The following CADM2 variants were observed in gnomAD, a reference collection of about 807,000 sequenced individuals.
CADM2 encodes the protein cell adhesion molecule 2, also known as immunoglobulin superfamily member 4D.
Under a neutral mutation model 49.8 loss-of-function variants are expected in CADM2, and 12 were observed. That is an observed-to-expected ratio of 0.24 (90% CI 0.15 to 0.39). The LOEUF is 0.39. CADM2 is among the 10% of genes least tolerant of loss of function. The probability of loss-of-function intolerance (pLI) is 1.00; values close to 1 mark genes in which losing one functional copy is unlikely to be tolerated. For synonymous variants in CADM2, 214 were observed against 175.4 expected, an observed-to-expected ratio of 1.22 and a Z score of -1.74; for missense variants, 378 against 492.3, an observed-to-expected ratio of 0.77 and a Z score of 2.20.
At chr3:84,981,024 T>G in intron 1 of CADM2, among the ~76,000 whole-genome samples, 1 of 151,968 alleles carries the variant, frequency 6.6e-6, no homozygotes, top group African/African-American at 2.4e-5. Context: ...ATGTGCACAT[T>G]GTGCAGGTTA....
chr3:85,173,318 A>C (rs1426026590), intron 1 of CADM2, among the ~76,000 whole-genome samples: 1 of 152,188 alleles, frequency 6.6e-6, no homozygotes, highest in African/African-American at 2.4e-5. Flanking sequence ...AATCAGTTTT[A>C]AACTCTTCAA....
chr3:85,091,319 G>A (rs901091832), intron 1 of CADM2, among the ~76,000 whole-genome samples: 2 of 152,090 alleles, frequency 1.3e-5, no homozygotes, highest in African/African-American at 4.8e-5. Context: ...TGCGTAATCT[G>A]TAAAGAAACC....
At chr3:85,684,228 T>G (rs1257081891) in intron 1 of CADM2, among the ~76,000 whole-genome samples, 1 of 152,228 alleles carries the variant, frequency 6.6e-6, no homozygotes, top group Non-Finnish European at 1.5e-5. Context: ...ATGAAAGGAT[T>G]AATTCAAATT....
chr3:85,536,363 A>G (rs976717356), intron 1 of CADM2, among the ~76,000 whole-genome samples: 9 of 151,752 alleles, frequency 5.9e-5, no homozygotes, highest in Admixed American at 1.3e-4. Flanking sequence ...TGGCTTGATC[A>G]TATCTGAGGA....
rs190765334 is a variant in CADM2 at position 85,012,086 on chromosome 3, T to C, written c.61+52418T>C. ...GGCGAAGGGCCTGGTTTTTTTTTTT[T>C]CTTTCATATTTTAAAGGGAGAAATA... On this transcript the variant is annotated intron_variant, in intron 1 of 9. Transcript: ENST00000383699. Among the ~76,000 whole-genome samples the C allele has an allele frequency of 6.1e-3, 921 of 151,876 alleles. 15 individuals are homozygous for C. The highest frequency in any genetic ancestry group is 0.021 in the African/African-American group (881 of 41,492).
chr3:86,010,092 C>A (rs542261402), intron 8 of CADM2, among the ~76,000 whole-genome samples: 2 of 151,458 alleles, frequency 1.3e-5, no homozygotes, highest in African/African-American at 4.8e-5. Flanking sequence ...ATAGCAATGA[C>A]GAAATAATAT....
At chr3:86,003,843 G>A (rs1730464731) in intron 8 of CADM2, among the ~76,000 whole-genome samples, 1 of 152,138 alleles carries the variant, frequency 6.6e-6, no homozygotes, top group Non-Finnish European at 1.5e-5. Context: ...AGAAGGGGGT[G>A]GCCCAAAGCA....
At chr3:85,814,865 T>C (rs933911884) in intron 3 of CADM2, among the ~76,000 whole-genome samples, 6 of 151,958 alleles carry the variant, frequency 3.9e-5, no homozygotes, top group African/African-American at 9.7e-5. Context: ...TTCTATTCTA[T>C]AGTATTCTAT....
At chr3:85,171,126 G>A (rs768666184) in intron 1 of CADM2, among the ~76,000 whole-genome samples, 3 of 152,226 alleles carry the variant, frequency 2.0e-5, no homozygotes, top group Non-Finnish European at 4.4e-5. Context: ...TTTTTCTAAA[G>A]TCAATAACCT....
chr3:85,173,998 C>CACACACACATACCACACACAT (rs1368425909), intron 1 of CADM2, among the ~76,000 whole-genome samples: 5 of 152,084 alleles, frequency 3.3e-5, no homozygotes, highest in Non-Finnish European at 7.4e-5. Context: ...ATTCTAACCT[C>CACACACACATACCACACACAT]ACACACACAT....
chr3:85,348,043 C>T (rs1456085009), intron 1 of CADM2, among the ~76,000 whole-genome samples: 1 of 152,034 alleles, frequency 6.6e-6, no homozygotes, highest in Non-Finnish European at 1.5e-5. Context: ...TCCTGAACCT[C>T]AATTGATCTG....
At chr3:85,893,902 C>G (rs1477820962) in intron 5 of CADM2, among the ~76,000 whole-genome samples, 1 of 152,178 alleles carries the variant, frequency 6.6e-6, no homozygotes, top group African/African-American at 2.4e-5. Flanking sequence ...GTTGGTGGGA[C>G]TGTAAACGAA....
chr3:85,600,206 C>T (rs2063352060), intron 1 of CADM2, among the ~76,000 whole-genome samples: 2 of 151,840 alleles, frequency 1.3e-5, no homozygotes, highest in Non-Finnish European at 2.9e-5. Context: ...AAAATGTACC[C>T]TGCCTCTCCA....
In CADM2 at chr3:85,988,251, C is replaced by T. The variant is rs1364709639; in HGVS notation, c.970+26604C>T. On this transcript the variant is annotated intron_variant, in intron 8 of 9. Coordinates refer to ENST00000383699, the MANE Select transcript of CADM2 (RefSeq NM_001167675.2). ...TCAATAATACAGTAGTTTCTTATTTCTCTAGACTTCAAATAATCCCCCATT... is the reference window on the plus strand; with the variant it reads ...TCAATAATACAGTAGTTTCTTATTTTTCTAGACTTCAAATAATCCCCCATT... Among the ~76,000 whole-genome samples, 5 of 152,242 alleles carry T rather than the reference C, an allele frequency of 3.3e-5. No individual in the cohort carries two copies. The East Asian group carries it at 7.7e-4, about 23-fold the overall frequency.
intron 8 of CADM2, among the ~76,000 whole-genome samples, chr3:86,020,998 T>A (rs960850111): frequency 5.3e-5 from 8 of 152,032 alleles, no homozygotes; most frequent in African/African-American, 1.9e-4. Flanking sequence ...GGCAAAAACT[T>A]TTTTTCTTTT....
chr3:85,187,413 A>C (rs2041090427), intron 1 of CADM2, among the ~76,000 whole-genome samples: 1 of 152,130 alleles, frequency 6.6e-6, no homozygotes, highest in Non-Finnish European at 1.5e-5. Context: ...GAATAATATC[A>C]ACTCAGATAC....
chr3:85,314,870 T>C (rs910788084), intron 1 of CADM2, among the ~76,000 whole-genome samples: 12 of 152,202 alleles, frequency 7.9e-5, no homozygotes, highest in Non-Finnish European at 1.6e-4. Flanking sequence ...ATAAAACAGA[T>C]ATAAAATATT....
chr3:85,603,072 C>A (rs930417460), intron 1 of CADM2, among the ~76,000 whole-genome samples: 2 of 151,800 alleles, frequency 1.3e-5, no homozygotes, highest in African/African-American at 4.8e-5. Context: ...GTGTTCATGT[C>A]CCTTTCTCTA....
chr3:85,642,652 C>T (rs1485952561), intron 1 of CADM2, among the ~76,000 whole-genome samples: 1 of 152,088 alleles, frequency 6.6e-6, no homozygotes, highest in African/African-American at 2.4e-5. Flanking sequence ...GTTATCCAAA[C>T]TTTTATATAG....
Sources: allele counts gnomAD v4.1 joint callset (sites outside exome capture counted in the v4.1 genomes callset), GRCh38; gene constraint gnomAD v4.1.1; transcripts MANE v1.5; gene names NCBI Gene and HGNC (gene_info 2026-07-23, HGNC 2026-07-21).